CAMK2D: variants seen among roughly 807,000 people sequenced by gnomAD.
CAMK2D encodes the protein calcium/calmodulin dependent protein kinase II delta.
CAMK2D carries 37 observed loss-of-function variants against 84.0 expected under a neutral mutation model. That is an observed-to-expected ratio of 0.44 (90% CI 0.34 to 0.58). CAMK2D has a LOEUF of 0.58. Among genes scored for constraint, CAMK2D ranks in the 20% least tolerant of loss-of-function variants. The pLI, the probability that CAMK2D is intolerant of heterozygous loss-of-function variation, is 0.02. For missense variants in CAMK2D, 448 were observed against 652.5 expected (o/e 0.69, Z 3.41); for synonymous variants, 202 against 212.5 (o/e 0.95, Z 0.43).
intron 2 of CAMK2D, among the ~76,000 whole-genome samples, chr4:113,740,196 C>T (rs745684647): frequency 4.6e-5 from 7 of 152,016 alleles, no homozygotes; most frequent in Non-Finnish European, 1.0e-4. Flanking sequence ...ACACAAAAAA[C>T]TTGGATATAA....
intron 8 of CAMK2D, among the ~76,000 whole-genome samples, chr4:113,524,595 T>C (rs530551600): frequency 6.6e-6 from 1 of 152,342 alleles, no homozygotes; most frequent in South Asian, 2.1e-4. Flanking sequence ...AGTGTTACTA[T>C]GATCATAGGT....
At chr4:113,550,574 A>G (rs983220639) in intron 5 of CAMK2D, among the ~76,000 whole-genome samples, 3 of 152,236 alleles carry the variant, frequency 2.0e-5, no homozygotes, top group Non-Finnish European at 4.4e-5. Flanking sequence ...AGCAGTAAAA[A>G]TAGTCTCTAT....
intron 2 of CAMK2D, among the ~76,000 whole-genome samples, chr4:113,720,363 T>TTC (rs144289633): frequency 1.3e-4 from 14 of 109,656 alleles, no homozygotes; most frequent in African/African-American, 3.8e-4. Flanking sequence ...AACAATCACA[T>TTC]TCTCACACAC....
intron 2 of CAMK2D, among the ~76,000 whole-genome samples, chr4:113,691,557 A>G (rs2099387182): frequency 6.6e-6 from 1 of 152,190 alleles, no homozygotes; most frequent in African/African-American, 2.4e-5. Context: ...GTTCGAGACC[A>G]GCCTGGCCAA....
intron 3 of CAMK2D, among the ~76,000 whole-genome samples, chr4:113,661,292 C>G (rs1253908436): frequency 6.6e-6 from 1 of 150,552 alleles, no homozygotes; most frequent in African/African-American, 2.5e-5. Context: ...TTTCATTATA[C>G]GACTCTACAG....
rs1313960662 is a variant in CAMK2D at position 113,455,744 on chromosome 4, G to A, written c.*11C>T. 6.2e-7 allele frequency: 1 copy of A among 1,607,544 alleles called. No homozygotes were observed. The highest frequency in any genetic ancestry group is 8.5e-7 in the Non-Finnish European group (1 of 1,174,430). ...TACTTACAAGACCCATATGTGAATG[G>A]TTTTCAGGCCTTAGATGTTTTGCCA... On this transcript the variant is annotated 3_prime_UTR_variant, in exon 20 of 21. Coordinates refer to ENST00000511664, the MANE Select transcript of CAMK2D (RefSeq NM_001321571.2).
At chr4:113,704,982 T>C (rs1593292864) in intron 2 of CAMK2D, among the ~76,000 whole-genome samples, 1 of 151,942 alleles carries the variant, frequency 6.6e-6, no homozygotes, top group East Asian at 1.9e-4. Flanking sequence ...GCTCAGTTGC[T>C]GTTACCAAGT....
At chr4:113,599,441 T>C (rs190228259) in intron 4 of CAMK2D, among the ~76,000 whole-genome samples, 239 of 152,346 alleles carry the variant, frequency 1.6e-3, no homozygotes, top group African/African-American at 5.2e-3. Context: ...TCAAGGTGTC[T>C]TTCATTGGGT....
chr4:113,529,875 A>G (rs2098446639), intron 8 of CAMK2D, among the ~76,000 whole-genome samples: 2 of 152,234 alleles, frequency 1.3e-5, no homozygotes, highest in African/African-American at 4.8e-5. Flanking sequence ...ATAGCAGCAT[A>G]AATACATAAC....
intron 4 of CAMK2D, among the ~76,000 whole-genome samples, chr4:113,561,768 C>T (rs1407510257): frequency 6.6e-6 from 1 of 152,088 alleles, no homozygotes; most frequent in Non-Finnish European, 1.5e-5. Context: ...GGTTTTATTC[C>T]CAACCTTTTG....
intron 3 of CAMK2D, among the ~76,000 whole-genome samples, chr4:113,652,810 T>C (rs79849031): frequency 0.019 from 2,852 of 152,214 alleles, 79 homozygotes; most frequent in African/African-American, 0.066. Flanking sequence ...ATATTATGCA[T>C]TGATAGATCA....
intron 2 of CAMK2D, among the ~76,000 whole-genome samples, chr4:113,664,955 C>A (rs901914866): frequency 2.0e-5 from 3 of 152,186 alleles, no homozygotes; most frequent in African/African-American, 7.2e-5. Context: ...AGGCACCTGC[C>A]ACCATGCCCA....
intron 20 of CAMK2D, among the ~76,000 whole-genome samples, 187 bp downstream of exon 20, chr4:113,455,539 T>C (rs976875287): frequency 6.6e-6 from 1 of 152,212 alleles, no homozygotes; most frequent in Admixed American, 6.5e-5. Flanking sequence ...ATAAGGATTA[T>C]GCTACCAAAT....
At chr4:113,500,394 A>G in intron 16 of CAMK2D, 69 bp downstream of exon 16, 1 of 887,854 alleles carries the variant, frequency 1.1e-6, no homozygotes, top group Admixed American at 2.4e-5. Context: ...AGTTATTTGA[A>G]GCACTTTTTT....
At chr4:113,602,640 C>T (rs2098958070) in intron 4 of CAMK2D, among the ~76,000 whole-genome samples, 1 of 152,162 alleles carries the variant, frequency 6.6e-6, no homozygotes, top group Admixed American at 6.5e-5. Context: ...TTCCTATAGA[C>T]TCAAAGTCCT....
At chr4:113,611,776 A>G (rs1487937772) in intron 3 of CAMK2D, among the ~76,000 whole-genome samples, 2 of 152,214 alleles carry the variant, frequency 1.3e-5, no homozygotes, top group East Asian at 3.8e-4. Flanking sequence ...ATGATACAAA[A>G]GCACTTAACC....
Position 113,588,221 on chromosome 4 carries a change from C to A in CAMK2D, c.275+20931G>T, listed in dbSNP as rs900575256. Among the ~76,000 whole-genome samples the A allele has an allele frequency of 6.2e-4, 95 of 152,082 alleles. 1 individual carries two copies. Among genetic ancestry groups the A allele is most frequent in the African/African-American group, 2.2e-3 (93 of 41,416 alleles). ...ACTTCAATTGCTTAAATAATTATAGCCATTAGTATCAGGCTCCCCGGGTAA... is the reference window on the plus strand; with the variant it reads ...ACTTCAATTGCTTAAATAATTATAGACATTAGTATCAGGCTCCCCGGGTAA... On this transcript the variant is annotated intron_variant, in intron 4 of 20. Coordinates refer to ENST00000511664, the MANE Select transcript of CAMK2D (RefSeq NM_001321571.2).
intron 12 of CAMK2D, among the ~76,000 whole-genome samples, chr4:113,510,146 C>T (rs1304842001): frequency 6.6e-6 from 1 of 152,142 alleles, no homozygotes; most frequent in Non-Finnish European, 1.5e-5. Context: ...GTAAAATTTG[C>T]TCTGGCTAAA....
intron 2 of CAMK2D, among the ~76,000 whole-genome samples, chr4:113,755,282 G>A (rs2099626089): frequency 6.6e-6 from 1 of 151,270 alleles, no homozygotes; most frequent in South Asian, 2.1e-4. Context: ...CCTGATTCAT[G>A]TACTACTAAT....
Sources: gnomAD v4.1 joint callset for allele counts (sites outside exome capture counted in the v4.1 genomes callset) on GRCh38, gnomAD v4.1.1 for gene constraint, MANE v1.5 for transcripts, NCBI Gene and HGNC (gene_info 2026-07-23, HGNC 2026-07-21) for gene names.